MRGPRD: variants seen among roughly 807,000 people sequenced by gnomAD.
The protein encoded by MRGPRD is mas-related G protein-coupled receptor member D.
For missense variants in MRGPRD, 392 were observed against 413.4 expected (o/e 0.95, Z 0.45); for synonymous variants, 185 against 183.9 (o/e 1.01, Z -0.05).
chr11:68,980,563 A>G lies in MRGPRD; in HGVS notation c.424T>C (p.Ser142Pro). ...WFKCHRPRHL[S>P]AWVCGLLWTL... ...CACAGCAGGCCACACACCCAGGCTG[A>G]CAGGTGCCTGGGCCGGTGACACTTG... is the stretch of plus-strand genomic sequence containing the variant. Residue 142 changes from serine (S) to proline (P), a missense_variant, in exon 1 of 1, where the codon TCA (serine) becomes CCA (proline). By Grantham distance (74) the Ser-to-Pro change is moderately conservative. Coordinates refer to ENST00000309106, the MANE Select transcript of MRGPRD (RefSeq NM_198923.2). The surrounding 1 kb of genome is among the most constrained non-coding windows in gnomAD (Gnocchi z 4.4). 1 of 1,614,058 alleles carries G rather than the reference A, an allele frequency of 6.2e-7. No homozygotes were observed. Among genetic ancestry groups the G allele is most frequent in the Non-Finnish European group, 8.5e-7 (1 of 1,179,932 alleles).
the MRGPRD span, chr11:68,980,074 C>A: frequency 6.5e-7 from 1 of 1,528,524 alleles, no homozygotes; most frequent in East Asian, 2.3e-5. This position sits in a 1 kb window ranked among gnomAD's most constrained non-coding sequence, Gnocchi z 4.4. Flanking sequence ...CCTTCCAGCT[C>A]GGGCTCCTCG....
chr11:68,980,969 A>T lies in MRGPRD; in HGVS notation c.18T>A (p.Asn6Lys). Residue 6 changes from asparagine (N) to lysine (K), a missense_variant, in exon 1 of 1, where the codon AAT becomes AAA. Physicochemically the swap from Asn to Lys is moderately conservative, Grantham distance 94 (BLOSUM62 0). Coordinates refer to ENST00000309106, the MANE Select transcript of MRGPRD (RefSeq NM_198923.2). The surrounding 1 kb of genome is among the most constrained non-coding windows in gnomAD (Gnocchi z 4.4). Reference sequence around the variant, plus strand: ...GGGCTGACTCCACGGTCCCACTGCTATTCAAAGTCTGGTTCATCCCTACGA... The same window carrying T: ...GGGCTGACTCCACGGTCCCACTGCTTTTCAAAGTCTGGTTCATCCCTACGA... MNQTLNSSGTVESALN... is the reference protein window; with the variant it reads MNQTLKSSGTVESALN... 6.4e-7 allele frequency: 1 copy of T among 1,554,682 alleles called. No homozygotes were observed. The highest frequency in any genetic ancestry group is 8.7e-7 in the Non-Finnish European group (1 of 1,147,952).
the MRGPRD span, chr11:68,980,491 T>TG: frequency 6.2e-7 from 1 of 1,614,046 alleles, no homozygotes. The surrounding 1 kb of genome is among the most constrained non-coding windows in gnomAD (Gnocchi z 4.4). Flanking sequence ...TTCAAGAACT[T>TG]GCTGCAGAAG....
rs149242697 is a variant in MRGPRD at position 68,980,467 on chromosome 11, G to A, written c.520C>T (p.Arg174Trp). The change falls in exon 1 of 1, where the codon CGG becomes TGG. Residue 174 changes from arginine to tryptophan, a missense_variant. Coordinates refer to ENST00000309106, the MANE Select transcript of MRGPRD (RefSeq NM_198923.2). The surrounding 1 kb of genome is among the most constrained non-coding windows in gnomAD (Gnocchi z 4.4). Reference sequence around the variant, plus strand: ...TGGACCATGTCCACCCTGAAGCACCGATCTTCATTGAATTTCAAGAACTTG... The same window carrying A: ...TGGACCATGTCCACCCTGAAGCACCAATCTTCATTGAATTTCAAGAACTTG... Reference protein sequence around the residue: ...CSKFLKFNEDRCFRVDMVQAA... With the variant: ...CSKFLKFNEDWCFRVDMVQAA... 158 of 1,613,952 alleles carry A rather than the reference G, an allele frequency of 9.8e-5. No individual in the cohort carries two copies. In the African/African-American group the frequency reaches 1.9e-3, roughly 19 times the overall value.
chr11:68,980,895 C>T lies in MRGPRD; in HGVS notation c.92G>A (p.Ser31Asn). The change falls in exon 1 of 1, where the codon AGC (serine) becomes AAC (asparagine). Residue 31 changes from serine to asparagine, a missense_variant. Ser to Asn is a conservative substitution (Grantham distance 46). Transcript: ENST00000309106. The surrounding 1 kb of genome is among the most constrained non-coding windows in gnomAD (Gnocchi z 4.4). ...STVHTAYLVL[S>N]SLAMFTCLCG... ...CAGGCAGGTGAACATGGCCAGGGAG[C>T]TCAGCACCAGGTAGGCCGTGTGCAC... 1 of 1,613,994 alleles carries T rather than the reference C, an allele frequency of 6.2e-7. No individual in the cohort carries two copies. The highest frequency in any genetic ancestry group is 8.5e-7 in the Non-Finnish European group (1 of 1,179,924).
At position 68,980,937 on chromosome 11, in the gene MRGPRD, T is replaced by G. The variant is rs769382724; in HGVS notation, c.50A>C (p.Tyr17Ser). The G allele has an allele frequency of 3.7e-6, 6 of 1,602,496 alleles. No homozygotes were observed. In the East Asian group the frequency reaches 1.3e-4, roughly 36 times the overall value. The change falls in exon 1 of 1, where the codon TAT (tyrosine) becomes TCT (serine). Residue 17 changes from tyrosine to serine, a missense_variant. Physicochemically the swap from Tyr to Ser is moderately radical, Grantham distance 144. Transcript: ENST00000309106. This position sits in a 1 kb window ranked among gnomAD's most constrained non-coding sequence, Gnocchi z 4.4. Reference sequence around the variant, plus strand: ...CGTGTGCACTGTGCTCCCTCTGGAATAGTTTAGGGCTGACTCCACGGTCCC... The same window carrying G: ...CGTGTGCACTGTGCTCCCTCTGGAAGAGTTTAGGGCTGACTCCACGGTCCC... Reference protein sequence around the residue: ...SSGTVESALNYSRGSTVHTAY... With the variant: ...SSGTVESALNSSRGSTVHTAY...
In MRGPRD at chr11:68,980,337, G is replaced by A; in HGVS notation, c.650C>T (p.Thr217Ile). 6.2e-7 allele frequency: 1 copy of A among 1,613,768 alleles called. No homozygotes were observed. Among genetic ancestry groups the A allele is most frequent in the Non-Finnish European group, 8.5e-7 (1 of 1,179,868 alleles). ...RSSQQWRRQPTRLFVVVLASV... is the reference protein window; with the variant it reads ...RSSQQWRRQPIRLFVVVLASV... ...GGCCAGGACCACCACGAACAGCCGT[G>A]TGGGCTGCCGCCGCCACTGCTGGGA... The change falls in exon 1 of 1, where the codon ACA (threonine) becomes ATA (isoleucine). Residue 217 changes from threonine to isoleucine, a missense_variant. By Grantham distance (89) the Thr-to-Ile change is moderately conservative (BLOSUM62 -1). Transcript: ENST00000309106. The surrounding 1 kb of genome is among the most constrained non-coding windows in gnomAD (Gnocchi z 4.4).
rs1307490248 is a variant in MRGPRD at position 68,980,495 on chromosome 11, G to A, written c.492C>T (p.Cys164=). Residue 164 remains cysteine (C), a synonymous_variant, in exon 1 of 1, where the codon TGC becomes TGT. Transcript: ENST00000309106. The surrounding 1 kb of genome is among the most constrained non-coding windows in gnomAD (Gnocchi z 4.4). ...CTTCATTGAATTTCAAGAACTTGCT[G>A]CAGAAGGAAGAGGTCAACCCGTTCA... ...LLMNGLTSSF[C]SKFLKFNEDR... The A allele has an allele frequency of 1.2e-6, 2 of 1,614,016 alleles. No homozygotes were observed. The highest frequency in any genetic ancestry group is 2.2e-5 in the East Asian group (1 of 44,878).
At position 68,980,122 on chromosome 11, in the gene MRGPRD, T is replaced by A. The variant is rs547919603; in HGVS notation, c.865A>T (p.Thr289Ser). The change falls in exon 1 of 1, where the codon ACC becomes TCC. Residue 289 changes from threonine (T) to serine (S), a missense_variant. By Grantham distance (58) the Thr-to-Ser change is moderately conservative. Coordinates refer to ENST00000309106, the MANE Select transcript of MRGPRD (RefSeq NM_198923.2). This position sits in a 1 kb window ranked among gnomAD's most constrained non-coding sequence, Gnocchi z 4.4. ...VGSRRSHRLP[T>S]RSLGTVLQQA... ...TGGAGCACAGTCCCCAGGGACCTGGTGGGCAGCCTGTGGCTCCTCCGGCTG... is the reference window on the plus strand; with the variant it reads ...TGGAGCACAGTCCCCAGGGACCTGGAGGGCAGCCTGTGGCTCCTCCGGCTG... 5 of 1,560,646 alleles carry A rather than the reference T, an allele frequency of 3.2e-6. No homozygotes were observed. In the African/African-American group the frequency reaches 7.0e-5, roughly 22 times the overall value.
At position 68,980,170 on chromosome 11, in the gene MRGPRD, G is replaced by A; in HGVS notation, c.817C>T (p.Pro273Ser). The change falls in exon 1 of 1, where the codon CCC becomes TCC. Residue 273 changes from proline (P) to serine (S), a missense_variant. Pro to Ser is a moderately conservative substitution (Grantham distance 74). Coordinates refer to ENST00000309106, the MANE Select transcript of MRGPRD (RefSeq NM_198923.2). This position sits in a 1 kb window ranked among gnomAD's most constrained non-coding sequence, Gnocchi z 4.4. ...LSSSVSSSAN[P>S]VIYFLVGSRR... is the part of the protein sequence containing the mutation. Reference sequence around the variant, plus strand: ...CTGCCCACCAGGAAGTAGATGACGGGGTTGGCGCTGCTGCTTACGGACGAG... The same window carrying A: ...CTGCCCACCAGGAAGTAGATGACGGAGTTGGCGCTGCTGCTTACGGACGAG... 6.2e-7 allele frequency: 1 copy of A among 1,602,894 alleles called. No individual in the cohort carries two copies. The highest frequency in any genetic ancestry group is 1.3e-5 in the African/African-American group (1 of 74,302).
chr11:68,980,035 C>T lies in MRGPRD; in HGVS notation c.952G>A (p.Glu318Lys), dbSNP rs1860172797. The change falls in exon 1 of 1, where the codon GAG becomes AAG. Residue 318 changes from glutamate to lysine, a missense_variant. Glu to Lys is a moderately conservative substitution (Grantham distance 56, BLOSUM62 1). Transcript: ENST00000309106. The surrounding 1 kb of genome is among the most constrained non-coding windows in gnomAD (Gnocchi z 4.4). ...GTGGGCGGCTCTCAAGCCCCCATCT[C>T]ATTGGTGCCCACGGTGGGCGTCTCC... The part of the protein sequence containing the change: ...GGETPTVGTN[E>K]MGA 6.6e-7 allele frequency: 1 copy of T among 1,512,576 alleles called. No homozygotes were observed. Among genetic ancestry groups the T allele is most frequent in the Non-Finnish European group, 8.8e-7 (1 of 1,134,614 alleles). 93.7% of individuals were successfully genotyped at this position (1,512,576 alleles called of 1,614,324 possible).
rs776537616 is a variant in MRGPRD at position 68,980,188 on chromosome 11, C to A, written c.799G>T (p.Val267Leu). Residue 267 changes from valine (V) to leucine (L), a missense_variant, in exon 1 of 1, where the codon GTA (valine) becomes TTA (leucine). Physicochemically the swap from Val to Leu is conservative, Grantham distance 32 (BLOSUM62 1). Coordinates refer to ENST00000309106, the MANE Select transcript of MRGPRD (RefSeq NM_198923.2). The surrounding 1 kb of genome is among the most constrained non-coding windows in gnomAD (Gnocchi z 4.4). ...CFSLSRLSSS[V>L]SSSANPVIYF... ...ATGACGGGGTTGGCGCTGCTGCTTA[C>A]GGACGAGGAGAGGCGTGACAAGCTG... The A allele has an allele frequency of 5.4e-5, 87 of 1,606,116 alleles. No homozygotes were observed. Among genetic ancestry groups the A allele is most frequent in the Non-Finnish European group, 6.6e-5 (78 of 1,177,066 alleles).
chr11:68,980,903 C>T lies in MRGPRD; in HGVS notation c.84G>A (p.Leu28=), dbSNP rs1860188626. 14 of 1,613,538 alleles carry T rather than the reference C, an allele frequency of 8.7e-6. No homozygotes were observed. The highest frequency in any genetic ancestry group is 9.3e-6 in the Non-Finnish European group (11 of 1,179,718). ...SRGSTVHTAY[L]VLSSLAMFTC... Reference sequence around the variant, plus strand: ...TGAACATGGCCAGGGAGCTCAGCACCAGGTAGGCCGTGTGCACTGTGCTCC... The same window carrying T: ...TGAACATGGCCAGGGAGCTCAGCACTAGGTAGGCCGTGTGCACTGTGCTCC... Residue 28 remains leucine, a synonymous_variant, in exon 1 of 1, where the codon CTG becomes CTA. Transcript: ENST00000309106. This position sits in a 1 kb window ranked among gnomAD's most constrained non-coding sequence, Gnocchi z 4.4.
Position 68,980,415 on chromosome 11 carries a change from G to T in MRGPRD, c.572C>A (p.Thr191Asn), listed in dbSNP as rs751091807. The T allele has an allele frequency of 6.2e-7, 1 of 1,613,938 alleles. No homozygotes were observed. Among genetic ancestry groups the T allele is most frequent in the South Asian group, 1.1e-5 (1 of 91,054 alleles). The change falls in exon 1 of 1, where the codon ACC (threonine) becomes AAC (asparagine). Residue 191 changes from threonine to asparagine, a missense_variant. Physicochemically the swap from Thr to Asn is moderately conservative, Grantham distance 65 (BLOSUM62 0). Coordinates refer to ENST00000309106, the MANE Select transcript of MRGPRD (RefSeq NM_198923.2). The surrounding 1 kb of genome is among the most constrained non-coding windows in gnomAD (Gnocchi z 4.4). ...CAGGCTGGACAGAGTCATCACTGGG[G>T]TTAAGACCCCCATGATGAGGGCGGC... is the stretch of plus-strand genomic sequence containing the variant. Reference protein sequence around the residue: ...VQAALIMGVLTPVMTLSSLTL... With the variant: ...VQAALIMGVLNPVMTLSSLTL...
chr11:68,980,168 G>T lies in MRGPRD; in HGVS notation c.819C>A (p.Pro273=). ...GGCTGCCCACCAGGAAGTAGATGAC[G>T]GGGTTGGCGCTGCTGCTTACGGACG... ...LSSSVSSSAN[P]VIYFLVGSRR... Residue 273 remains proline (P), a synonymous_variant, in exon 1 of 1, where the codon CCC becomes CCA. Transcript: ENST00000309106. This position sits in a 1 kb window ranked among gnomAD's most constrained non-coding sequence, Gnocchi z 4.4. 6.3e-7 allele frequency: 1 copy of T among 1,598,538 alleles called. No individual in the cohort carries two copies. Among genetic ancestry groups the T allele is most frequent in the South Asian group, 1.1e-5 (1 of 88,832 alleles).
chr11:68,980,362 A>ATT, the MRGPRD span: 1 of 1,613,572 alleles, frequency 6.2e-7, no homozygotes, highest in Non-Finnish European at 8.5e-7. This position sits in a 1 kb window ranked among gnomAD's most constrained non-coding sequence, Gnocchi z 4.4. Flanking sequence ...CACTGCTGGG[A>ATT]GCTCCTCCGC....
rs375964351 is a variant in MRGPRD at position 68,980,410 on chromosome 11, C to T, written c.577G>A (p.Val193Met). 1.2e-5 allele frequency: 20 copies of T among 1,613,700 alleles called. No homozygotes were observed. Among genetic ancestry groups the T allele is most frequent in the Non-Finnish European group, 1.6e-5 (19 of 1,179,870 alleles). The change falls in exon 1 of 1, where the codon GTG (valine) becomes ATG (methionine). Residue 193 changes from valine (V) to methionine (M), a missense_variant. Transcript: ENST00000309106. This position sits in a 1 kb window ranked among gnomAD's most constrained non-coding sequence, Gnocchi z 4.4. ...AALIMGVLTP[V>M]MTLSSLTLFV... ...AGGGTCAGGCTGGACAGAGTCATCA[C>T]TGGGGTTAAGACCCCCATGATGAGG...
Position 68,980,676 on chromosome 11 carries a change from A to C in MRGPRD, c.311T>G (p.Leu104Arg). Residue 104 changes from leucine (L) to arginine (R), a missense_variant, in exon 1 of 1, where the codon CTG (leucine) becomes CGG (arginine). Transcript: ENST00000309106. This position sits in a 1 kb window ranked among gnomAD's most constrained non-coding sequence, Gnocchi z 4.4. Reference protein sequence around the residue: ...TDKVHELMKRLMYFAYTVGLS... With the variant: ...TDKVHELMKRRMYFAYTVGLS... ...GCCCACTGTGTAGGCAAAGTACATC[A>C]GTCTCTTCATCAGCTCGTGGACCTT... 1 of 1,614,032 alleles carries C rather than the reference A, an allele frequency of 6.2e-7. No homozygotes were observed. Among genetic ancestry groups the C allele is most frequent in the South Asian group, 1.1e-5 (1 of 91,084 alleles).
In MRGPRD at chr11:68,980,605, G is replaced by A. The variant is rs1199224271; in HGVS notation, c.382C>T (p.Leu128Phe). ...TGACACTTGAACCAGATAGGGAAGA[G>A]GACAGAGAGACAGCGCTGGGTGCTG... Reference protein sequence around the residue: ...AISTQRCLSVLFPIWFKCHRP... With the variant: ...AISTQRCLSVFFPIWFKCHRP... Residue 128 changes from leucine to phenylalanine, a missense_variant, in exon 1 of 1, where the codon CTC becomes TTC. Leu to Phe is a conservative substitution (Grantham distance 22, BLOSUM62 0). Transcript: ENST00000309106. This position sits in a 1 kb window ranked among gnomAD's most constrained non-coding sequence, Gnocchi z 4.4. The A allele has an allele frequency of 6.2e-7, 1 of 1,614,134 alleles. No homozygotes were observed.
Sources: allele counts gnomAD v4.1 joint callset, GRCh38; gene constraint gnomAD v4.1.1; non-coding constraint Gnocchi (gnomAD v3.1); transcripts MANE v1.5; gene names NCBI Gene and HGNC (gene_info 2026-07-23, HGNC 2026-07-21).